Variants in SIPA1L1 observed in about 807,000 individuals in gnomAD.
The protein encoded by SIPA1L1 is signal induced proliferation associated 1 like 1.
A neutral mutation model predicts 162.7 loss-of-function variants in SIPA1L1; 26 were observed. The observed-to-expected ratio is 0.16, with a 90% confidence interval of 0.12 to 0.22. SIPA1L1 has a LOEUF of 0.22. Among genes scored for constraint, SIPA1L1 ranks in the 10% least tolerant of loss-of-function variants. SIPA1L1 has a pLI of 1.00. For missense variants in SIPA1L1, 1,874 were observed against 2,241.0 expected, an observed-to-expected ratio of 0.84 and a Z score of 3.31; for synonymous variants, 829 against 837.4, an observed-to-expected ratio of 0.99 and a Z score of 0.17.
chr14:71,496,829 C>A (rs1431289244), intron 2 of SIPA1L1, among the ~76,000 whole-genome samples: 1 of 152,174 alleles, frequency 6.6e-6, no homozygotes, highest in Non-Finnish European at 1.5e-5. Context: ...AATTGTCCCT[C>A]TTTTTCTCCA....
intron 15 of SIPA1L1, chr14:71,704,606 A>G (rs1186174174): frequency 2.5e-5 from 18 of 718,974 alleles, no homozygotes; most frequent in Admixed American, 1.5e-4. Context: ...GTTATGGAGG[A>G]TAAATTCTTT....
At chr14:71,404,543 T>A (rs2041910697) in intron 2 of SIPA1L1, among the ~76,000 whole-genome samples, 1 of 152,202 alleles carries the variant, frequency 6.6e-6, no homozygotes, top group East Asian at 1.9e-4. Flanking sequence ...AGCCCAAGGT[T>A]CTAGGGGGAA....
intron 2 of SIPA1L1, among the ~76,000 whole-genome samples, chr14:71,341,862 T>A (rs968232096): frequency 1.3e-5 from 2 of 152,214 alleles, no homozygotes; most frequent in Non-Finnish European, 2.9e-5. Flanking sequence ...CTGCATAGTG[T>A]TCTGTGGTGT....
intron 2 of SIPA1L1, among the ~76,000 whole-genome samples, chr14:71,371,287 G>T (rs1364651397): frequency 6.6e-6 from 1 of 152,142 alleles, no homozygotes; most frequent in East Asian, 1.9e-4. Context: ...TAATGATAAG[G>T]ACAATATTTC....
intron 19 of SIPA1L1, among the ~76,000 whole-genome samples, chr14:71,728,009 A>G (rs1428099747): frequency 1.3e-5 from 2 of 152,208 alleles, no homozygotes; most frequent in African/African-American, 2.4e-5. Flanking sequence ...GCCTTGAAGC[A>G]TATTAACATT....
intron 13 of SIPA1L1, among the ~76,000 whole-genome samples, chr14:71,694,237 C>T (rs1458708760): frequency 3.3e-5 from 5 of 151,544 alleles, no homozygotes; most frequent in African/African-American, 4.8e-5. Context: ...TGTGTGTGTG[C>T]GTGTGTGTAT....
intron 16 of SIPA1L1, among the ~76,000 whole-genome samples, chr14:71,705,698 A>G (rs908081723): frequency 6.6e-6 from 1 of 151,812 alleles, no homozygotes; most frequent in African/African-American, 2.4e-5. Flanking sequence ...CAGCCATGAG[A>G]GGGCTCCAGC....
rs71105788 is a variant in SIPA1L1, at chr14:71,627,131, CTTTTTTTTTTTTTTTTTTTTT to C, written c.1818+2918_1818+2938del. On this transcript the variant is annotated intron_variant, in intron 7 of 23. Coordinates refer to ENST00000381232, the MANE Select transcript of SIPA1L1 (RefSeq NM_001386936.1). Reference sequence around the variant, plus strand: ...TGATGCCTTTCTGGGACTTTCACTACTTTTTTTTTTTTTTTTTTTTTTTTTTTTTTTTTTTTTTTTTTTGAG... The same window carrying C: ...TGATGCCTTTCTGGGACTTTCACTACTTTTTTTTTTTTTTTTTTTTTTGAG... Among the ~76,000 whole-genome samples, 41 of 48,786 alleles carry C rather than the reference CTTTTTTTTTTTTTTTTTTTTT, an allele frequency of 8.4e-4. 1 individual carries two copies. Among genetic ancestry groups the C allele is most frequent in the East Asian group, 1.7e-3 (2 of 1,174 alleles). 32.0% of individuals were successfully genotyped at this position (48,786 alleles called of 152,430 possible).
At chr14:71,526,301 AATATTAT>A (rs1322027922) in intron 3 of SIPA1L1, among the ~76,000 whole-genome samples, 1 of 152,162 alleles carries the variant, frequency 6.6e-6, no homozygotes, top group African/African-American at 2.4e-5. Flanking sequence ...CAGGGAATCT[AATATTAT>A]TAGCCCACCG....
chr14:71,476,948 A>G (rs2047916348), intron 2 of SIPA1L1, among the ~76,000 whole-genome samples: 1 of 151,904 alleles, frequency 6.6e-6, no homozygotes, highest in African/African-American at 2.4e-5. Context: ...TAACTCTTCT[A>G]CCTCGCTCAA....
chr14:71,449,264 A>G (rs1485016612), intron 2 of SIPA1L1, among the ~76,000 whole-genome samples: 1 of 152,220 alleles, frequency 6.6e-6, no homozygotes, highest in Non-Finnish European at 1.5e-5. Context: ...GGAAGGAATC[A>G]GGAAATTTAA....
chr14:71,490,030 G>A lies in SIPA1L1; in HGVS notation c.-464-22713G>A, dbSNP rs185942426. Among the ~76,000 whole-genome samples the A allele has an allele frequency of 5.3e-5, 8 of 152,304 alleles. No individual in the cohort carries two copies. The East Asian group carries it at 1.5e-3, about 29-fold the overall frequency. On this transcript the variant is annotated intron_variant, in intron 2 of 23. Coordinates refer to ENST00000381232, the MANE Select transcript of SIPA1L1 (RefSeq NM_001386936.1). ...CAAGTCTAAGGTTTACATAGAATGT[G>A]TTAAACAGATATGTTAATAGGGTAA...
intron 4 of SIPA1L1, among the ~76,000 whole-genome samples, chr14:71,551,086 G>A (rs1343741080): frequency 6.6e-6 from 1 of 152,116 alleles, no homozygotes; most frequent in Admixed American, 6.5e-5. Flanking sequence ...TTGTGTAGCT[G>A]ATTCCTTTAT....
chr14:71,721,875 T>C (rs2083772015), intron 17 of SIPA1L1, among the ~76,000 whole-genome samples: 1 of 152,182 alleles, frequency 6.6e-6, no homozygotes, highest in South Asian at 2.1e-4. Context: ...GCCACTCATA[T>C]GTATTCAGGG....
chr14:71,571,470 TA>T (rs1186490508), intron 4 of SIPA1L1, among the ~76,000 whole-genome samples: 2 of 151,782 alleles, frequency 1.3e-5, no homozygotes, highest in African/African-American at 2.4e-5. Flanking sequence ...CAGATGATCC[TA>T]AAAAAAATCC....
chr14:71,581,140 C>G lies in SIPA1L1; in HGVS notation c.-302-6431C>G, dbSNP rs774333627. Among the ~76,000 whole-genome samples, 85 of 151,676 alleles carry G rather than the reference C, an allele frequency of 5.6e-4. 1 individual carries two copies. Among genetic ancestry groups the G allele is most frequent in the Non-Finnish European group, 1.1e-3 (72 of 67,942 alleles). ...TTTTTTTTTTAAGTGAGTCCATGGT[C>G]AAATCAGTTAAGAAATTTCTTAGTT... On this transcript the variant is annotated intron_variant, in intron 4 of 23. Transcript: ENST00000381232.
chr14:71,402,924 A>G (rs1172609583), intron 2 of SIPA1L1, among the ~76,000 whole-genome samples: 1 of 152,174 alleles, frequency 6.6e-6, no homozygotes, highest in Non-Finnish European at 1.5e-5. Context: ...GACTGTGTGA[A>G]CAGTTTTATA....
chr14:71,735,402 G>A lies in SIPA1L1; in HGVS notation c.5123+11G>A. On this transcript the variant is annotated intron_variant, in intron 22 of 23. Transcript: ENST00000381232. ...GAAGCCTTACAGCAGGTTGGTCCCA[G>A]TGCAAGGGCAGTACTCTGCACCTTG... 6.4e-7 allele frequency: 1 copy of A among 1,573,032 alleles called. No homozygotes were observed. The highest frequency in any genetic ancestry group is 8.8e-7 in the Non-Finnish European group (1 of 1,142,634).
chr14:71,508,139 G>A (rs1258400572), intron 2 of SIPA1L1, among the ~76,000 whole-genome samples: 1 of 152,164 alleles, frequency 6.6e-6, no homozygotes, highest in African/African-American at 2.4e-5. Context: ...AAAGCTATCA[G>A]ATCTACCAGT....
Sources: gnomAD v4.1 joint callset for allele counts (sites outside exome capture counted in the v4.1 genomes callset) on GRCh38, gnomAD v4.1.1 for gene constraint, MANE v1.5 for transcripts, NCBI Gene and HGNC (gene_info 2026-07-23, HGNC 2026-07-21) for gene names.